The following ATG10 variants were observed in gnomAD, a reference collection of about 807,000 sequenced individuals.
ATG10 encodes the protein ubiquitin-like-conjugating enzyme ATG10.
A neutral mutation model predicts 32.1 loss-of-function variants in ATG10; 30 were observed. The ratio of observed to expected loss-of-function variants is 0.94; its 90% confidence interval spans 0.70 to 1.27. The LOEUF (loss-of-function observed/expected upper bound fraction) is 1.27, where lower values mean the gene tolerates loss of function less well. Ranked by LOEUF, ATG10 falls within the 50% of genes most tolerant of loss-of-function variation. ATG10 has a pLI of 0.00. For synonymous variants in ATG10, 87 were observed against 91.5 expected (o/e 0.95, Z 0.28); for missense variants, 233 against 262.3 (o/e 0.89, Z 0.77).
At chr5:82,072,688 A>G (rs1764166212) in intron 3 of ATG10, among the ~76,000 whole-genome samples, 1 of 152,200 alleles carries the variant, frequency 6.6e-6, no homozygotes, top group South Asian at 2.1e-4. Flanking sequence ...TTTATCCCAA[A>G]GGACCAAAAG....
Position 82,112,617 on chromosome 5 carries a change from T to C in ATG10, c.217-51782T>C, listed in dbSNP as rs1046865138. Among the ~76,000 whole-genome samples the C allele has an allele frequency of 2.0e-5, 3 of 151,876 alleles. No individual in the cohort carries two copies. The Admixed American group carries it at 2.0e-4, about 10-fold the overall frequency. ...AGAATTTTGTTTATTATATGCATGA[T>C]TTATTGGACATTAGTGCTGTGATTA... On this transcript the variant is annotated intron_variant, in intron 3 of 7. Transcript: ENST00000282185.
rs988576582 is a variant in ATG10, at chr5:82,037,863, C to T, written c.109-20632C>T. Among the ~76,000 whole-genome samples the T allele has an allele frequency of 3.9e-5, 6 of 152,234 alleles. No homozygotes were observed. The East Asian group carries it at 9.6e-4, about 24-fold the overall frequency. On this transcript the variant is annotated intron_variant, in intron 2 of 7. Coordinates refer to ENST00000282185, the MANE Select transcript of ATG10 (RefSeq NM_031482.5). ...AACCATCCTTGCATTTCTATTGTAA[C>T]TCTTTCTTGATAATGAATGCATTAT...
intron 5 of ATG10, among the ~76,000 whole-genome samples, chr5:82,249,003 C>T (rs1747138434): frequency 6.6e-6 from 1 of 151,932 alleles, no homozygotes; most frequent in South Asian, 2.1e-4. Flanking sequence ...ATTCTAAAAG[C>T]TCTTCAAAGG....
intron 2 of ATG10, among the ~76,000 whole-genome samples, chr5:82,057,893 G>C (rs1763652560): frequency 6.6e-6 from 1 of 152,248 alleles, no homozygotes; most frequent in African/African-American, 2.4e-5. Flanking sequence ...TTAGACTTCA[G>C]AGGGCAGAAC....
In ATG10 at chr5:82,015,985, C is replaced by T. The variant is rs146624073; in HGVS notation, c.108+28307C>T. The stretch of plus-strand genomic sequence containing the variant: ...TACCTTTGGTCTTTGATGATGGTGA[C>T]GTACAGATGGGGTTTTGGATAGATT... On this transcript the variant is annotated intron_variant, in intron 2 of 7. Transcript: ENST00000282185. Among the ~76,000 whole-genome samples, 1,088 of 152,264 alleles carry T rather than the reference C, an allele frequency of 7.1e-3. 7 individuals are homozygous for T. The highest frequency in any genetic ancestry group is 0.025 in the African/African-American group (1,031 of 41,544).
In ATG10 at chr5:82,255,001, C is replaced by CA. The variant is rs1747414435; in HGVS notation, c.*941dup. On this transcript the variant is annotated 3_prime_UTR_variant, in exon 8 of 8. Transcript: ENST00000282185. ...ACTGTGAGATAATATGTTTTACCAGCAAAGTGTGGCATAGTAATTAGAAGT... is the reference window on the plus strand; with the variant it reads ...ACTGTGAGATAATATGTTTTACCAGCAAAAGTGTGGCATAGTAATTAGAAGT... 6.6e-6 allele frequency: 1 copy of CA among 151,648 alleles called. No individual in the cohort carries two copies. The allele number at this position is 151,648 out of a possible 1,614,324, so 9.4% of individuals were successfully genotyped here.
chr5:82,082,613 T>G (rs925051807), intron 3 of ATG10, among the ~76,000 whole-genome samples: 1 of 152,138 alleles, frequency 6.6e-6, no homozygotes, highest in Non-Finnish European at 1.5e-5. Flanking sequence ...ATACTACAAA[T>G]ACATTGACAC....
At chr5:81,984,272 C>T (rs1270401947) in intron 1 of ATG10, among the ~76,000 whole-genome samples, 4 of 152,246 alleles carry the variant, frequency 2.6e-5, no homozygotes, top group East Asian at 1.9e-4. Context: ...CAAAAAAATA[C>T]GAAAACCAGT....
intron 5 of ATG10, among the ~76,000 whole-genome samples, chr5:82,245,216 C>T (rs1220160094): frequency 3.3e-5 from 5 of 152,196 alleles, no homozygotes; most frequent in Non-Finnish European, 7.3e-5. Flanking sequence ...CACATAATTC[C>T]TAAACCAACT....
chr5:82,172,203 G>A (rs1743834951), intron 4 of ATG10, among the ~76,000 whole-genome samples: 1 of 152,134 alleles, frequency 6.6e-6, no homozygotes, highest in Non-Finnish European at 1.5e-5. Flanking sequence ...GTAGCAACAA[G>A]AACAATACAA....
chr5:82,222,476 C>T (rs1410288276), intron 5 of ATG10, among the ~76,000 whole-genome samples: 1 of 152,138 alleles, frequency 6.6e-6, no homozygotes, highest in Non-Finnish European at 1.5e-5. Context: ...CTGGCTAGTA[C>T]TGTTATTAAT....
intron 3 of ATG10, among the ~76,000 whole-genome samples, chr5:82,065,005 G>T (rs190585460): frequency 3.3e-5 from 5 of 152,258 alleles, no homozygotes; most frequent in African/African-American, 1.2e-4. Context: ...CTTTTGTTAA[G>T]TTCTGGCTTT....
At chr5:82,136,831 G>A (rs967941980) in intron 3 of ATG10, among the ~76,000 whole-genome samples, 16 of 152,096 alleles carry the variant, frequency 1.1e-4, no homozygotes, top group Admixed American at 3.9e-4. Flanking sequence ...CATTCTTCCC[G>A]TCAGTTTCAG....
chr5:82,034,222 CA>C (rs1025150448), intron 2 of ATG10, among the ~76,000 whole-genome samples: 66 of 152,146 alleles, frequency 4.3e-4, no homozygotes, highest in Middle Eastern at 3.4e-3. Flanking sequence ...ACCCAGCCCC[CA>C]ACCTGTATCT....
At chr5:82,158,234 A>G (rs1330720933) in intron 3 of ATG10, among the ~76,000 whole-genome samples, 1 of 152,198 alleles carries the variant, frequency 6.6e-6, no homozygotes, top group Non-Finnish European at 1.5e-5. Context: ...TAGCTCTTGA[A>G]TGAATGTAAT....
intron 3 of ATG10, among the ~76,000 whole-genome samples, chr5:82,103,876 C>A (rs889177744): frequency 2.0e-5 from 3 of 152,128 alleles, no homozygotes; most frequent in African/African-American, 7.2e-5. Flanking sequence ...TTACTACCTG[C>A]CCCCAACAGT....
At chr5:82,145,503 G>A (rs1767314470) in intron 3 of ATG10, among the ~76,000 whole-genome samples, 1 of 151,960 alleles carries the variant, frequency 6.6e-6, no homozygotes, top group African/African-American at 2.4e-5. Flanking sequence ...TATATGAAAT[G>A]TAGAAACTCT....
At chr5:82,031,775 C>CACACT (rs1197927882) in intron 2 of ATG10, among the ~76,000 whole-genome samples, 1 of 152,246 alleles carries the variant, frequency 6.6e-6, no homozygotes, top group Non-Finnish European at 1.5e-5. Context: ...CTGCATAAAG[C>CACACT]ACACTCTTGC....
At chr5:82,231,756 G>A (rs1746375307) in intron 5 of ATG10, among the ~76,000 whole-genome samples, 1 of 152,088 alleles carries the variant, frequency 6.6e-6, no homozygotes, top group African/African-American at 2.4e-5. Flanking sequence ...TGAAATCACT[G>A]GGAAATCTGC....
Sources: gnomAD v4.1 joint callset for allele counts (sites outside exome capture counted in the v4.1 genomes callset) on GRCh38, gnomAD v4.1.1 for gene constraint, MANE v1.5 for transcripts, NCBI Gene and HGNC (gene_info 2026-07-23, HGNC 2026-07-21) for gene names.